Variants in TRPC6 observed in about 807,000 individuals in gnomAD.
TRPC6 encodes short transient receptor potential channel 6.
TRPC6 carries 55 observed loss-of-function variants against 90.7 expected under a neutral mutation model. The ratio of observed to expected loss-of-function variants is 0.61; its 90% CI spans 0.49 to 0.76. The LOEUF (loss-of-function observed/expected upper bound fraction) is 0.76. TRPC6 is among the 30% of genes least tolerant of loss of function. The pLI is 0.00. For synonymous variants in TRPC6, 393 were observed against 393.0 expected (o/e 1.00, Z 0.00); for missense variants, 989 against 1,122.7 (o/e 0.88, Z 1.70).
rs1555001498 is a variant in TRPC6, at chr11:101,491,779, A to G, written c.946-41T>C. On this transcript the variant is annotated intron_variant, in intron 2 of 12. Transcript: ENST00000344327. ...CAAAACAAAAGCAATAATGGAGAAT[A>G]CCACGTTTTACTATGCTTCAGAGAC... The G allele has an allele frequency of 8.9e-6, 14 of 1,565,986 alleles. No individual in the cohort carries two copies. In the South Asian group the frequency reaches 1.6e-4, roughly 17 times the overall value.
chr11:101,564,196 A>G (rs1043378340), intron 1 of TRPC6, among the ~76,000 whole-genome samples: 5 of 152,280 alleles, frequency 3.3e-5, no homozygotes, highest in African/African-American at 1.2e-4. Flanking sequence ...ATTCCATTAA[A>G]GCCATGTTTT....
chr11:101,572,243 T>C (rs1253977387), intron 1 of TRPC6, among the ~76,000 whole-genome samples: 1 of 148,414 alleles, frequency 6.7e-6, no homozygotes, highest in Non-Finnish European at 1.5e-5. Context: ...AAGAAGACAT[T>C]TTTGTAGCCA....
At chr11:101,459,941 G>A (rs1431508666) in intron 10 of TRPC6, among the ~76,000 whole-genome samples, 2 of 152,128 alleles carry the variant, frequency 1.3e-5, no homozygotes, top group Admixed American at 1.3e-4. Context: ...GTGATGGGTT[G>A]TACAACTTGA....
intron 1 of TRPC6, among the ~76,000 whole-genome samples, chr11:101,568,704 A>G (rs927283280): frequency 7.9e-5 from 12 of 152,208 alleles, no homozygotes; most frequent in East Asian, 1.9e-4. Flanking sequence ...AGGAGGGGCC[A>G]ATATTCAACA....
At chr11:101,573,731 G>A (rs1184127941) in intron 1 of TRPC6, among the ~76,000 whole-genome samples, 1 of 152,046 alleles carries the variant, frequency 6.6e-6, no homozygotes, top group East Asian at 1.9e-4. Context: ...CATACAACAT[G>A]TCTTATAATC....
chr11:101,566,153 G>GA (rs1430052474), intron 1 of TRPC6, among the ~76,000 whole-genome samples: 15 of 152,274 alleles, frequency 9.9e-5, no homozygotes, highest in Admixed American at 9.2e-4. Flanking sequence ...CTAGAAGACA[G>GA]GTTACAATAA....
At chr11:101,492,432 A>C (rs1324798774) in intron 2 of TRPC6, among the ~76,000 whole-genome samples, 1 of 152,088 alleles carries the variant, frequency 6.6e-6, no homozygotes, top group Admixed American at 6.5e-5. Flanking sequence ...AAATACAGAA[A>C]AAATTAGCCG....
chr11:101,548,420 T>G (rs1269022200), intron 1 of TRPC6, among the ~76,000 whole-genome samples: 2 of 142,922 alleles, frequency 1.4e-5, no homozygotes, highest in Non-Finnish European at 3.0e-5. Context: ...TAAAATATAT[T>G]TAATATATAA....
chr11:101,504,009 T>G lies in TRPC6; in HGVS notation c.945+15A>C. 3 of 1,614,034 alleles carry G rather than the reference T, an allele frequency of 1.9e-6. No individual in the cohort carries two copies. Among genetic ancestry groups the G allele is most frequent in the Non-Finnish European group, 2.5e-6 (3 of 1,179,930 alleles). On this transcript the variant is annotated intron_variant, in intron 2 of 12. Transcript: ENST00000344327. Reference sequence around the variant, plus strand: ...TGGCTTGTGGAGGGTGAAGTCTCTATTGTTAGTGACCTACCTTGAACTCTT... The same window carrying G: ...TGGCTTGTGGAGGGTGAAGTCTCTAGTGTTAGTGACCTACCTTGAACTCTT...
At chr11:101,557,826 T>C (rs1861593654) in intron 1 of TRPC6, among the ~76,000 whole-genome samples, 1 of 152,122 alleles carries the variant, frequency 6.6e-6, no homozygotes, top group South Asian at 2.1e-4. Flanking sequence ...GACTGTCTTC[T>C]ACAAGGAAAA....
chr11:101,521,617 T>C (rs1860662643), intron 1 of TRPC6, among the ~76,000 whole-genome samples: 1 of 152,262 alleles, frequency 6.6e-6, no homozygotes, highest in South Asian at 2.1e-4. Flanking sequence ...GACCCCAGAA[T>C]GGTAGATCCA....
intron 1 of TRPC6, among the ~76,000 whole-genome samples, chr11:101,538,061 T>C (rs1366870834): frequency 6.6e-6 from 1 of 152,194 alleles, no homozygotes; most frequent in Non-Finnish European, 1.5e-5. Flanking sequence ...GATTCTTCTT[T>C]GCCTGTTCAC....
chr11:101,515,059 G>A (rs1343252621), intron 1 of TRPC6, among the ~76,000 whole-genome samples: 1 of 152,164 alleles, frequency 6.6e-6, no homozygotes, highest in Non-Finnish European at 1.5e-5. Context: ...TACCTGTTAG[G>A]GTTACTATGA....
chr11:101,536,906 G>C (rs927470855), intron 1 of TRPC6, among the ~76,000 whole-genome samples: 2 of 152,190 alleles, frequency 1.3e-5, no homozygotes, highest in Admixed American at 1.3e-4. Flanking sequence ...AGACTATTGC[G>C]GTACTCCAGG....
intron 1 of TRPC6, among the ~76,000 whole-genome samples, chr11:101,544,806 C>G (rs544308739): frequency 4.6e-5 from 7 of 152,096 alleles, no homozygotes; most frequent in African/African-American, 1.7e-4. Flanking sequence ...TGCAGCAAAC[C>G]ACCATGGCAC....
chr11:101,564,876 G>A (rs1288712796), intron 1 of TRPC6, among the ~76,000 whole-genome samples: 1 of 151,976 alleles, frequency 6.6e-6, no homozygotes, highest in Non-Finnish European at 1.5e-5. Context: ...CAGACACATA[G>A]ATCAATAGAA....
chr11:101,474,077 A>G (rs1591068589), intron 6 of TRPC6, among the ~76,000 whole-genome samples: 1 of 152,188 alleles, frequency 6.6e-6, no homozygotes, highest in Non-Finnish European at 1.5e-5. Flanking sequence ...TATAACAAAG[A>G]ACTTATGCAA....
rs1858793918 is a variant in TRPC6, at chr11:101,452,857, T to C, written c.*98A>G. The C allele has an allele frequency of 1.4e-6, 2 of 1,428,044 alleles. No homozygotes were observed. Among genetic ancestry groups the C allele is most frequent in the African/African-American group, 2.8e-5 (2 of 70,360 alleles). The allele number at this position is 1,428,044 out of a possible 1,614,324, so 88.5% of individuals were successfully genotyped here. A position where few individuals can be genotyped will look rare whatever the true frequency, so the allele number is the denominator to read the frequency against. ...GCCCAAGTTATTTAACGTTTTCTTG[T>C]TTAAAAGGTGGGCCCATTGGCACTT... On this transcript the variant is annotated 3_prime_UTR_variant, in exon 13 of 13. Coordinates refer to ENST00000344327, the MANE Select transcript of TRPC6 (RefSeq NM_004621.6).
intron 4 of TRPC6, among the ~76,000 whole-genome samples, chr11:101,488,069 T>C (rs1859717637): frequency 6.6e-6 from 1 of 152,210 alleles, no homozygotes; most frequent in Non-Finnish European, 1.5e-5. Flanking sequence ...CTGATAGTTC[T>C]TTCTACATAG....
Sources: gnomAD v4.1 joint callset for allele counts (sites outside exome capture counted in the v4.1 genomes callset) on GRCh38, gnomAD v4.1.1 for gene constraint, MANE v1.5 for transcripts, NCBI Gene and HGNC (gene_info 2026-07-23, HGNC 2026-07-21) for gene names.